The following NREP variants were observed in gnomAD, a reference collection of about 807,000 sequenced individuals.
The protein encoded by NREP is neuronal regeneration-related protein.
In NREP, 5 loss-of-function variants were observed where a neutral mutation model predicts 8.6. The observed-to-expected ratio is 0.58, with a 90% CI of 0.30 to 1.22. The LOEUF is 1.22. Ranked by LOEUF, NREP falls within the 50% of genes most tolerant of loss-of-function variation. The pLI is 0.07. For synonymous variants in NREP, 27 were observed against 28.0 expected, an observed-to-expected ratio of 0.96 and a Z score of 0.11; for missense variants, 86 against 82.5, an observed-to-expected ratio of 1.04 and a Z score of -0.17.
chr5:111,950,800 A>G (rs1208558048), intron 2 of NREP, among the ~76,000 whole-genome samples: 1 of 152,142 alleles, frequency 6.6e-6, no homozygotes, highest in Non-Finnish European at 1.5e-5. Context: ...AACACATGAA[A>G]AAAAGCTCAT....
chr5:111,884,547 T>C lies in NREP; in HGVS notation c.135+90727A>G, dbSNP rs568562817. 7.7e-3 allele frequency among the ~76,000 whole-genome samples: 1,160 copies of C among 150,608 alleles called. 24 individuals carry two copies. The highest frequency in any genetic ancestry group is 0.027 in the African/African-American group (1,114 of 41,392). ...AGAAGAGAATTTTAGATCAATATCC[T>C]TGATGAACATTGATGCAAAAATCCT... On this transcript the variant is annotated intron_variant, in intron 2 of 3. Coordinates refer to the NREP transcript ENST00000395634.
intron 2 of NREP, among the ~76,000 whole-genome samples, chr5:111,824,046 G>T (rs971358703): frequency 2.6e-5 from 4 of 152,164 alleles, no homozygotes; most frequent in Non-Finnish European, 5.9e-5. Flanking sequence ...AGGGACCAAA[G>T]GTAAGAGTGG....
intron 1 of NREP, 197 bp from the exon 2 acceptor site, chr5:111,756,027 C>A: frequency 7.4e-7 from 1 of 1,353,398 alleles, no homozygotes; most frequent in Non-Finnish European, 9.5e-7. Context: ...ACAAAGGAAT[C>A]CCTGGTACTT....
At chr5:111,752,441 A>G (rs1750421475) in intron 2 of NREP, among the ~76,000 whole-genome samples, 1 of 152,206 alleles carries the variant, frequency 6.6e-6, no homozygotes, top group Admixed American at 6.5e-5. Context: ...GCATCTCCAC[A>G]ATCAAGAGTC....
chr5:111,811,810 A>C lies in NREP; in HGVS notation c.136-76303T>G, dbSNP rs374084198. ...GTTTTTTTCTATACAGTGATAAATA[A>C]GTGGAAATGATCTGATCCTTTCTCA... On this transcript the variant is annotated intron_variant, in intron 2 of 3. Transcript: ENST00000395634. Among the ~76,000 whole-genome samples, 18 of 152,346 alleles carry C rather than the reference A, an allele frequency of 1.2e-4. No individual in the cohort carries two copies. In the East Asian group the frequency reaches 2.9e-3, roughly 24 times the overall value.
chr5:111,875,314 A>G (rs543712364), intron 2 of NREP, among the ~76,000 whole-genome samples: 1 of 152,312 alleles, frequency 6.6e-6, no homozygotes, highest in Admixed American at 6.5e-5. Context: ...AGAAAAAGAT[A>G]GATAGAAAAT....
intron 2 of NREP, among the ~76,000 whole-genome samples, chr5:111,789,093 T>A (rs1456329366): frequency 1.3e-5 from 2 of 152,214 alleles, no homozygotes; most frequent in Non-Finnish European, 2.9e-5. Context: ...CTATTCCTTA[T>A]TCTAAATCCC....
chr5:111,819,172 G>C (rs1752460103), intron 2 of NREP, among the ~76,000 whole-genome samples: 1 of 151,944 alleles, frequency 6.6e-6, no homozygotes, highest in Admixed American at 6.6e-5. Flanking sequence ...TGTTCCTCTG[G>C]TCACCTGCTT....
At chr5:111,950,047 A>G (rs918932745) in intron 2 of NREP, among the ~76,000 whole-genome samples, 1 of 152,064 alleles carries the variant, frequency 6.6e-6, no homozygotes, top group Non-Finnish European at 1.5e-5. Context: ...ACTCCCACCA[A>G]CAGTGTAAAA....
chr5:111,794,611 A>T (rs1321677174), intron 2 of NREP, among the ~76,000 whole-genome samples: 1 of 152,208 alleles, frequency 6.6e-6, no homozygotes, highest in Non-Finnish European at 1.5e-5. Flanking sequence ...ACTACATGAC[A>T]TTCTGGAGAA....
chr5:111,773,475 A>C (rs1327749770), intron 2 of NREP, among the ~76,000 whole-genome samples: 1 of 152,200 alleles, frequency 6.6e-6, no homozygotes, highest in Non-Finnish European at 1.5e-5. Flanking sequence ...TTGCTCAAGA[A>C]ATTAGAAGAT....
intron 2 of NREP, among the ~76,000 whole-genome samples, chr5:111,920,232 G>A (rs1755199751): frequency 6.6e-6 from 1 of 152,002 alleles, no homozygotes; most frequent in Admixed American, 6.6e-5. Flanking sequence ...GGACCATCAG[G>A]AAATTGTGTC....
chr5:111,876,763 C>A lies in NREP; in HGVS notation c.135+98511G>T, dbSNP rs1158444374. Among the ~76,000 whole-genome samples, 4 of 152,118 alleles carry A rather than the reference C, an allele frequency of 2.6e-5. No individual in the cohort carries two copies. The East Asian group carries it at 7.7e-4, about 29-fold the overall frequency. ...TAGTTTATTTATTTATCATGTAGTA[C>A]TTATTCTCTGCCAGGCACTAGTCTA... On this transcript the variant is annotated intron_variant, in intron 2 of 3. Transcript: ENST00000395634.
intron 2 of NREP, among the ~76,000 whole-genome samples, chr5:111,816,684 A>G (rs1752392017): frequency 6.6e-6 from 1 of 151,750 alleles, no homozygotes; most frequent in South Asian, 2.1e-4. Context: ...ATGGAATGAT[A>G]AAATGATAAA....
chr5:111,747,771 T>C (rs988438560), intron 2 of NREP, among the ~76,000 whole-genome samples: 1 of 152,154 alleles, frequency 6.6e-6, no homozygotes, highest in Non-Finnish European at 1.5e-5. Flanking sequence ...ATAAGTTATA[T>C]TTATATTTTG....
At chr5:111,971,892 A>G (rs1032573867) in intron 2 of NREP, among the ~76,000 whole-genome samples, 3 of 152,168 alleles carry the variant, frequency 2.0e-5, no homozygotes, top group African/African-American at 7.2e-5. Context: ...ATAGACAAAA[A>G]AGGAGTATAT....
chr5:111,940,675 A>G (rs1038152237), intron 2 of NREP, among the ~76,000 whole-genome samples: 1 of 152,122 alleles, frequency 6.6e-6, no homozygotes, highest in Admixed American at 6.5e-5. Context: ...AGGTGACCTC[A>G]TGCAAACATT....
At chr5:111,876,566 A>T (rs1753914820) in intron 2 of NREP, among the ~76,000 whole-genome samples, 1 of 152,230 alleles carries the variant, frequency 6.6e-6, no homozygotes, top group Non-Finnish European at 1.5e-5. Context: ...AACTGTGTGT[A>T]CTGCACTCTT....
chr5:111,745,496 T>G (rs534166173), intron 2 of NREP, among the ~76,000 whole-genome samples: 1 of 152,280 alleles, frequency 6.6e-6, no homozygotes, highest in African/African-American at 2.4e-5. Context: ...ACAAAACGCA[T>G]TTGCTGAGAA....
Sources: allele counts gnomAD v4.1 joint callset (sites outside exome capture counted in the v4.1 genomes callset), GRCh38; gene constraint gnomAD v4.1.1; transcripts MANE v1.5; gene names NCBI Gene and HGNC (gene_info 2026-07-23, HGNC 2026-07-21).